The following LIMS1 variants were observed in gnomAD, a reference collection of about 807,000 sequenced individuals.
LIMS1 encodes the protein LIM and senescent cell antigen-like-containing domain protein 1.
A neutral mutation model predicts 44.1 loss-of-function variants in LIMS1; 18 were observed. That is an observed-to-expected ratio of 0.41 (90% CI 0.28 to 0.61). The LOEUF is 0.61. LIMS1 is among the 20% of genes least tolerant of loss of function. The pLI, the probability that LIMS1 is intolerant of heterozygous loss-of-function variation, is 0.32. For missense variants in LIMS1, 201 were observed against 422.0 expected (o/e 0.48, Z 4.59); for synonymous variants, 93 against 149.1 (o/e 0.62, Z 2.74).
intron 1 of LIMS1, among the ~76,000 whole-genome samples, chr2:108,577,703 T>A (rs1685720291): frequency 6.6e-6 from 1 of 152,258 alleles, no homozygotes; most frequent in African/African-American, 2.4e-5. Flanking sequence ...TGTAGTACTT[T>A]ATTTTTTAAG....
chr2:108,578,144 C>T (rs1224113739), intron 1 of LIMS1, among the ~76,000 whole-genome samples: 2 of 152,104 alleles, frequency 1.3e-5, no homozygotes, highest in East Asian at 1.9e-4. Context: ...CTCCTGACCT[C>T]GTGATCCACC....
intron 1 of LIMS1, among the ~76,000 whole-genome samples, chr2:108,559,742 G>A (rs755925304): frequency 3.9e-5 from 6 of 152,196 alleles, no homozygotes; most frequent in South Asian, 2.1e-4. Flanking sequence ...AGTGTGTGGC[G>A]TGTGTAGGTA....
At chr2:108,637,089 A>G (rs1689310211) in intron 1 of LIMS1, among the ~76,000 whole-genome samples, 1 of 142,128 alleles carries the variant, frequency 7.0e-6, no homozygotes. Flanking sequence ...ATTCAGCAAA[A>G]TATACATATA....
chr2:108,589,386 GTAT>G (rs1686266619), intron 1 of LIMS1, among the ~76,000 whole-genome samples: 1 of 152,086 alleles, frequency 6.6e-6, no homozygotes, highest in South Asian at 2.1e-4. Flanking sequence ...ATACAATACA[GTAT>G]TATTAATTAT....
chr2:108,600,891 T>TTCTTTTCTTCTCTTCTCTTC (rs367582147), intron 1 of LIMS1, among the ~76,000 whole-genome samples: 346 of 90,932 alleles, frequency 3.8e-3, no homozygotes, highest in East Asian at 0.023. Context: ...GAATTGTTCG[T>TTCTTTTCTTCTCTTCTCTTC]TCTTCTCTTC....
intron 1 of LIMS1, among the ~76,000 whole-genome samples, chr2:108,579,154 A>G (rs1051675820): frequency 1.3e-5 from 2 of 152,214 alleles, no homozygotes; most frequent in African/African-American, 4.8e-5. Flanking sequence ...TTTTGTAACA[A>G]AAACAACTTA....
At chr2:108,552,512 T>C in intron 1 of LIMS1, among the ~76,000 whole-genome samples, 1 of 146,384 alleles carries the variant, frequency 6.8e-6, no homozygotes, top group African/African-American at 2.5e-5. Context: ...ATAAATAAAA[T>C]ATATAAATAT....
intron 1 of LIMS1, among the ~76,000 whole-genome samples, chr2:108,648,295 A>C (rs1427299260): frequency 6.6e-6 from 1 of 152,206 alleles, no homozygotes; most frequent in Admixed American, 6.5e-5. Flanking sequence ...ACTACAAACC[A>C]CTGCTCAAGG....
chr2:108,598,448 G>A (rs1411830736), intron 1 of LIMS1, among the ~76,000 whole-genome samples: 1 of 152,208 alleles, frequency 6.6e-6, no homozygotes, highest in Non-Finnish European at 1.5e-5. Context: ...ATGTTTGGAA[G>A]GAAAGCTGAA....
At chr2:108,650,588 T>G (rs1229055450) in intron 1 of LIMS1, among the ~76,000 whole-genome samples, 3 of 152,080 alleles carry the variant, frequency 2.0e-5, no homozygotes, top group Non-Finnish European at 4.4e-5. Context: ...AGCTAATGTT[T>G]TGTGTTTTTA....
intron 1 of LIMS1, among the ~76,000 whole-genome samples, chr2:108,559,341 G>A (rs1049766890): frequency 6.6e-6 from 1 of 152,142 alleles, no homozygotes; most frequent in Non-Finnish European, 1.5e-5. Flanking sequence ...AAAATGTGTT[G>A]TTCTAGAGTG....
intron 1 of LIMS1, among the ~76,000 whole-genome samples, chr2:108,601,302 C>T (rs1010787403): frequency 3.9e-5 from 6 of 151,964 alleles, no homozygotes; most frequent in Non-Finnish European, 7.4e-5. Context: ...ATCACCAGAC[C>T]GGGAAGCAAC....
At chr2:108,552,614 T>TG (rs1558784817) in intron 1 of LIMS1, among the ~76,000 whole-genome samples, 1 of 89,630 alleles carries the variant, frequency 1.1e-5, no homozygotes, top group Non-Finnish European at 2.4e-5. Flanking sequence ...GTGTGTGTGT[T>TG]TTTGGAGACA....
chr2:108,535,682 A>G (rs1684110591), intron 1 of LIMS1, among the ~76,000 whole-genome samples: 1 of 152,204 alleles, frequency 6.6e-6, no homozygotes. Context: ...GTCAGATACA[A>G]GGTGGTGTTT....
At chr2:108,683,323 G>T (rs940053207) in intron 9 of LIMS1, among the ~76,000 whole-genome samples, 1 of 151,766 alleles carries the variant, frequency 6.6e-6, no homozygotes, top group Non-Finnish European at 1.5e-5. Context: ...TATCTTTAAG[G>T]TATTCTAAAA....
intron 2 of LIMS1, among the ~76,000 whole-genome samples, chr2:108,663,139 G>T (rs2438232): frequency 2.6e-5 from 4 of 151,572 alleles, no homozygotes; most frequent in African/African-American, 9.7e-5. Flanking sequence ...TTTTTCTTAA[G>T]ACAGGGTCTT....
chr2:108,611,366 T>C (rs1687588621), intron 1 of LIMS1, among the ~76,000 whole-genome samples: 1 of 152,202 alleles, frequency 6.6e-6, no homozygotes, highest in African/African-American at 2.4e-5. Flanking sequence ...TCCTAAATTA[T>C]ATTGAGCCCC....
intron 1 of LIMS1, among the ~76,000 whole-genome samples, chr2:108,585,715 A>C (rs557223209): frequency 6.6e-6 from 1 of 152,300 alleles, no homozygotes; most frequent in East Asian, 1.9e-4. Flanking sequence ...GAGGGATAAA[A>C]GTACGGTGGT....
chr2:108,595,819 G>A (rs545710223), intron 1 of LIMS1, among the ~76,000 whole-genome samples: 2 of 151,630 alleles, frequency 1.3e-5, no homozygotes, highest in East Asian at 3.9e-4. Context: ...TTTTTTTATT[G>A]TGGTAAAAAA....
Sources: gnomAD v4.1 joint callset for allele counts (sites outside exome capture counted in the v4.1 genomes callset) on GRCh38, gnomAD v4.1.1 for gene constraint, MANE v1.5 for transcripts, NCBI Gene and HGNC (gene_info 2026-07-23, HGNC 2026-07-21) for gene names.